Variants in MVB12B observed in about 807,000 individuals in gnomAD.
MVB12B encodes ESCRT-I complex subunit MVB12B.
MVB12B carries 16 observed loss-of-function variants against 41.6 expected under a neutral mutation model. That is an observed-to-expected ratio of 0.38 (90% confidence interval 0.26 to 0.58). The LOEUF is 0.58. MVB12B is among the 20% of genes least tolerant of loss of function. The pLI, the probability that MVB12B is intolerant of heterozygous loss-of-function variation, is 0.62. For missense variants in MVB12B, 274 were observed against 380.2 expected, an observed-to-expected ratio of 0.72 and a Z score of 2.32; for synonymous variants, 133 against 139.7, an observed-to-expected ratio of 0.95 and a Z score of 0.34.
intron 2 of MVB12B, among the ~76,000 whole-genome samples, chr9:126,349,427 A>G (rs955040093): frequency 2.6e-5 from 4 of 152,124 alleles, no homozygotes; most frequent in African/African-American, 9.7e-5. Flanking sequence ...ATATAGAAAA[A>G]ACCTGCCAAA....
chr9:126,388,415 C>A (rs10987264), intron 4 of MVB12B, among the ~76,000 whole-genome samples: 7,759 of 152,234 alleles, frequency 0.051, 216 homozygotes, highest in Middle Eastern at 0.078. Context: ...TATGGATATA[C>A]CACATTTTGG....
chr9:126,473,323 T>A lies in MVB12B; in HGVS notation c.758-8046T>A, dbSNP rs914430398. Among the ~76,000 whole-genome samples the A allele has an allele frequency of 6.6e-6, 1 of 152,166 alleles. No homozygotes were observed. Among genetic ancestry groups the A allele is most frequent in the Admixed American group, 6.5e-5 (1 of 15,282 alleles). On this transcript the variant is annotated intron_variant, in intron 7 of 9. Transcript: ENST00000361171. This position sits in a 1 kb window ranked among gnomAD's most constrained non-coding sequence, Gnocchi z 4.0. The stretch of plus-strand genomic sequence containing the variant: ...TAGCCCCCCATAGCCCCAGAGCAGG[T>A]TACACTCTGGGTTTGAATCCTGGCT...
At chr9:126,423,493 A>G (rs1258783709) in intron 7 of MVB12B, among the ~76,000 whole-genome samples, 1 of 152,218 alleles carries the variant, frequency 6.6e-6, no homozygotes, top group African/African-American at 2.4e-5. Flanking sequence ...ACACAGGGGA[A>G]GCCATTCAGA....
chr9:126,502,676 C>T (rs1833984566), intron 9 of MVB12B, among the ~76,000 whole-genome samples: 1 of 152,160 alleles, frequency 6.6e-6, no homozygotes, highest in African/African-American at 2.4e-5. Context: ...CCTCCCATGA[C>T]CCTGGGCACC....
At chr9:126,346,742 G>A (rs1383359255) in intron 2 of MVB12B, among the ~76,000 whole-genome samples, 1 of 152,176 alleles carries the variant, frequency 6.6e-6, no homozygotes, top group East Asian at 1.9e-4. Flanking sequence ...ACTCAAAAGG[G>A]GACTAAGCCT....
Position 126,473,346 on chromosome 9 carries a change from G to A in MVB12B, c.758-8023G>A, listed in dbSNP as rs1833353900. On this transcript the variant is annotated intron_variant, in intron 7 of 9. Transcript: ENST00000361171. This position sits in a 1 kb window ranked among gnomAD's most constrained non-coding sequence, Gnocchi z 4.0. ...GGTTACACTCTGGGTTTGAATCCTG[G>A]CTCCAGCCAAGCCTCATAACTCCTC... Among the ~76,000 whole-genome samples the A allele has an allele frequency of 1.3e-5, 2 of 152,168 alleles. No individual in the cohort carries two copies. Among genetic ancestry groups the A allele is most frequent in the South Asian group, 4.1e-4 (2 of 4,832 alleles).
At chr9:126,397,004 T>C in intron 6 of MVB12B, 1 of 985,580 alleles carries the variant, frequency 1.0e-6, no homozygotes, top group Non-Finnish European at 1.2e-6. Flanking sequence ...CTCAAGGCTA[T>C]ATCAGGTGTG....
chr9:126,383,910 G>A (rs1830701227), intron 3 of MVB12B, among the ~76,000 whole-genome samples: 1 of 151,554 alleles, frequency 6.6e-6, no homozygotes, highest in Non-Finnish European at 1.5e-5. Context: ...CAGGGACATT[G>A]GTAGAGTGTG....
intron 7 of MVB12B, among the ~76,000 whole-genome samples, chr9:126,465,611 G>A (rs974541167): frequency 6.7e-6 from 1 of 150,112 alleles, no homozygotes; most frequent in Admixed American, 6.7e-5. Flanking sequence ...TCTAGGAGCT[G>A]GGGGCGCAGC....
chr9:126,481,500 A>G, intron 8 of MVB12B, 76 bp downstream of exon 8: 1 of 1,088,384 alleles, frequency 9.2e-7, no homozygotes, highest in Non-Finnish European at 1.4e-6. Context: ...TTTACACAGC[A>G]CGCAGGGCTG....
chr9:126,417,264 A>G (rs995442565), intron 6 of MVB12B, among the ~76,000 whole-genome samples: 1 of 152,258 alleles, frequency 6.6e-6, no homozygotes, highest in African/African-American at 2.4e-5. Flanking sequence ...TCAATTCAGC[A>G]GATCCCTACT....
At chr9:126,410,454 C>A (rs573799919) in intron 6 of MVB12B, among the ~76,000 whole-genome samples, 1 of 152,244 alleles carries the variant, frequency 6.6e-6, no homozygotes, top group East Asian at 1.9e-4. Context: ...CACTTTTCCC[C>A]CACATATAGG....
chr9:126,387,451 A>T (rs1408688920), intron 4 of MVB12B, among the ~76,000 whole-genome samples: 2 of 152,152 alleles, frequency 1.3e-5, no homozygotes, highest in African/African-American at 4.8e-5. Flanking sequence ...TTTCTGTCTC[A>T]TACTTTATTC....
intron 7 of MVB12B, among the ~76,000 whole-genome samples, chr9:126,475,499 T>A (rs1242798646): frequency 2.6e-5 from 4 of 152,244 alleles, no homozygotes; most frequent in African/African-American, 9.6e-5. Context: ...TTCAGCCTGC[T>A]TTAATCTTTG....
intron 4 of MVB12B, among the ~76,000 whole-genome samples, chr9:126,390,698 C>T (rs1272914513): frequency 1.3e-5 from 2 of 152,162 alleles, no homozygotes; most frequent in African/African-American, 2.4e-5. Context: ...CGGTGGCTCA[C>T]GCCTGTAACC....
intron 7 of MVB12B, among the ~76,000 whole-genome samples, chr9:126,455,887 C>CTTTTTTT (rs3983803): frequency 1.3e-4 from 13 of 103,040 alleles, no homozygotes; most frequent in African/African-American, 3.2e-4. Context: ...TTCTTTCTTT[C>CTTTTTTT]TTTTTTTTTT....
At chr9:126,458,517 C>T (rs1038405575) in intron 7 of MVB12B, among the ~76,000 whole-genome samples, 4 of 152,146 alleles carry the variant, frequency 2.6e-5, no homozygotes, top group Non-Finnish European at 5.9e-5. Context: ...TTTGGATTCA[C>T]GTGATATTCT....
intron 6 of MVB12B, chr9:126,396,116 T>C (rs1831106082): frequency 4.0e-6 from 4 of 991,388 alleles, no homozygotes; most frequent in Non-Finnish European, 4.8e-6. Context: ...CATTTTCATA[T>C]AATTTCTTTT....
At chr9:126,397,623 A>G in intron 6 of MVB12B, 1 of 985,400 alleles carries the variant, frequency 1.0e-6, no homozygotes, top group Non-Finnish European at 1.2e-6. Flanking sequence ...AGTAAAAGCC[A>G]TTTGTCTGTC....
Sources: gnomAD v4.1 joint callset for allele counts (sites outside exome capture counted in the v4.1 genomes callset) on GRCh38, gnomAD v4.1.1 for gene constraint, Gnocchi (gnomAD v3.1) non-coding constraint, MANE v1.5 for transcripts, NCBI Gene and HGNC (gene_info 2026-07-23, HGNC 2026-07-21) for gene names.